Variants in ALYREF observed in about 807,000 individuals in gnomAD.
ALYREF encodes THO complex subunit 4.
A neutral mutation model predicts 25.2 loss-of-function variants in ALYREF; 1 was observed. The ratio of observed to expected loss-of-function variants is 0.04; its 90% confidence interval spans 0.01 to 0.19. ALYREF has a LOEUF of 0.19. Among genes scored for constraint, ALYREF ranks in the 10% least tolerant of loss-of-function variants. The probability of loss-of-function intolerance (pLI) is 1.00; values close to 1 mark genes in which losing one functional copy is unlikely to be tolerated. For synonymous variants in ALYREF, 193 were observed against 153.5 expected (o/e 1.26, Z -1.90); for missense variants, 328 against 375.6 (o/e 0.87, Z 1.05).
In ALYREF at chr17:81,891,326, G is replaced by A; in HGVS notation, c.255C>T (p.Ser85=). Residue 85 remains serine (S), a synonymous_variant, in exon 1 of 6, where the codon AGC becomes AGT. Transcript: ENST00000505490. ...GGGRNRPAPY[S]RPKQLPDKWQ... ...CGCGGCCGGCCTCCGCACTCACCCT[G>A]CTGTAGGGCGCCGGTCGGTTCCTGC... 8.6e-7 allele frequency: 1 copy of A among 1,162,604 alleles called. No individual in the cohort carries two copies. The highest frequency in any genetic ancestry group is 1.6e-5 in the African/African-American group (1 of 60,788). The allele number at this position is 1,162,604 out of a possible 1,614,324, so 72.0% of individuals were successfully genotyped here.
At chr17:81,890,425 G>C (rs2039497284) in intron 2 of ALYREF, among the ~76,000 whole-genome samples, 1 of 152,212 alleles carries the variant, frequency 6.6e-6, no homozygotes, top group Non-Finnish European at 1.5e-5. Context: ...CTTTGTCCCT[G>C]TTAGAAACTG....
intron 1 of ALYREF, 99 bp from the exon 2 acceptor site, chr17:81,890,919 G>A (rs930219389): frequency 1.3e-6 from 2 of 1,552,978 alleles, no homozygotes; most frequent in Non-Finnish European, 1.7e-6. Context: ...CCCGGCCTGA[G>A]AGGATCCGGC....
chr17:81,888,726 G>A lies in ALYREF; in HGVS notation c.539-143C>T, dbSNP rs1020163819. On this transcript the variant is annotated intron_variant, in intron 3 of 5. Transcript: ENST00000505490. The surrounding 1 kb of genome is among the most constrained non-coding windows in gnomAD (Gnocchi z 5.8). ...CCCCCGACAAGGGAAATGGCCTGGA[G>A]ATACTGGTGGGAGAACAAAATGGCA... The A allele has an allele frequency of 1.6e-5, 23 of 1,474,426 alleles. No homozygotes were observed. Among genetic ancestry groups the A allele is most frequent in the African/African-American group, 4.2e-5 (3 of 71,084 alleles). The allele number at this position is 1,474,426 out of a possible 1,614,324, so 91.3% of individuals were successfully genotyped here. A position where few individuals can be genotyped will look rare whatever the true frequency, so the allele number is the denominator to read the frequency against.
chr17:81,888,047 C>T lies in ALYREF; in HGVS notation c.*84G>A, dbSNP rs373834333. ...TAAAAGAAACAAATCCATCATTGGC[C>T]GCACAGCCCCAGCCACCGCCCCCCA... On this transcript the variant is annotated 3_prime_UTR_variant, in exon 6 of 6. Coordinates refer to ENST00000505490, the MANE Select transcript of ALYREF (RefSeq NM_005782.4). This position sits in a 1 kb window ranked among gnomAD's most constrained non-coding sequence, Gnocchi z 5.8. 5.9e-5 allele frequency: 90 copies of T among 1,535,382 alleles called. No individual in the cohort carries two copies. Among genetic ancestry groups the T allele is most frequent in the Non-Finnish European group, 7.0e-5 (79 of 1,122,126 alleles).
At position 81,888,713 on chromosome 17, in the gene ALYREF, G is replaced by A. The variant is rs1598290445; in HGVS notation, c.539-130C>T. 4.0e-6 allele frequency: 6 copies of A among 1,493,134 alleles called. No homozygotes were observed. The East Asian group carries it at 9.9e-5, about 25-fold the overall frequency. The allele number at this position is 1,493,134 out of a possible 1,614,324, so 92.5% of individuals were successfully genotyped here. A position where few individuals can be genotyped will look rare whatever the true frequency, so the allele number is the denominator to read the frequency against. ...TGCGTCTCAAATGCCCCCGACAAGG[G>A]AAATGGCCTGGAGATACTGGTGGGA... On this transcript the variant is annotated intron_variant, in intron 3 of 5. Coordinates refer to ENST00000505490, the MANE Select transcript of ALYREF (RefSeq NM_005782.4). The surrounding 1 kb of genome is among the most constrained non-coding windows in gnomAD (Gnocchi z 5.8).
chr17:81,890,949 C>A lies in ALYREF; in HGVS notation c.259-129G>T, dbSNP rs1344509720. On this transcript the variant is annotated intron_variant, in intron 1 of 5. Coordinates refer to ENST00000505490, the MANE Select transcript of ALYREF (RefSeq NM_005782.4). ...TCCGGCCGAAACGGGGCCGCCAGCG[C>A]TCCCTCCGGCGCTGCAGCTGCCCCA... 11 of 1,396,976 alleles carry A rather than the reference C, an allele frequency of 7.9e-6. No homozygotes were observed. In the East Asian group the frequency reaches 1.9e-4, roughly 24 times the overall value. The allele number at this position is 1,396,976 out of a possible 1,614,324, so 86.5% of individuals were successfully genotyped here.
rs375911946 is a variant in ALYREF, at chr17:81,888,234, G to T, written c.780+7C>A. The T allele has an allele frequency of 1.6e-4, 255 of 1,613,414 alleles. No homozygotes were observed. The African/African-American group carries it at 3.2e-3, about 20-fold the overall frequency. On this transcript the variant is annotated splice_region_variant and intron_variant, in intron 5 of 5. Coordinates refer to ENST00000505490, the MANE Select transcript of ALYREF (RefSeq NM_005782.4). This position sits in a 1 kb window ranked among gnomAD's most constrained non-coding sequence, Gnocchi z 5.8. The stretch of plus-strand genomic sequence containing the variant: ...CCAGGCCCCCAGCTGGCTCCCCCGG[G>T]ACTCACTCTCGCATTATAGGCGTCC...
chr17:81,891,367 C>T lies in ALYREF; in HGVS notation c.214G>A (p.Ala72Thr). The change falls in exon 1 of 6, where the codon GCG becomes ACG. Residue 72 changes from alanine to threonine, a missense_variant. Physicochemically the swap from Ala to Thr is moderately conservative, Grantham distance 58 (BLOSUM62 0). This residue lies in a region of ALYREF where 150 missense variants were observed against 135.3 expected (regional missense o/e 1.11). Coordinates refer to ENST00000505490, the MANE Select transcript of ALYREF (RefSeq NM_005782.4). The stretch of plus-strand genomic sequence containing the variant: ...CGGTTCCTGCCGCCTCCGCCGGCCG[C>T]GCCGCGGGCGATGGCCGGCCGGTTC... Reference protein sequence around the residue: ...IRNRPAIARGAAGGGGRNRPA... With the variant: ...IRNRPAIARGTAGGGGRNRPA... 1.7e-6 allele frequency: 2 copies of T among 1,149,390 alleles called. No homozygotes were observed. Among genetic ancestry groups the T allele is most frequent in the Non-Finnish European group, 1.1e-6 (1 of 933,598 alleles). The allele number at this position is 1,149,390 out of a possible 1,614,324, so 71.2% of individuals were successfully genotyped here. A position where few individuals can be genotyped will look rare whatever the true frequency, so the allele number is the denominator to read the frequency against.
Position 81,887,947 on chromosome 17 carries a change from TG to T in ALYREF, c.*183del. On this transcript the variant is annotated 3_prime_UTR_variant, in exon 6 of 6. Transcript: ENST00000505490. ...AAAATAACTCGGTACAAAACAGGTC[TG>T]TTTCAGAATTAAAAAAAAAAAAAAA... 1.4e-6 allele frequency: 1 copy of T among 702,526 alleles called. No homozygotes were observed. The allele number at this position is 702,526 out of a possible 1,614,324, so 43.5% of individuals were successfully genotyped here.
Position 81,891,566 on chromosome 17 carries a change from C to G in ALYREF, c.15G>C (p.Ala5=), listed in dbSNP as rs781464981. ...TGTCCATTTTGTCGGCCATGGCGGG[C>G]GCGGAATCGGGCATCGGCTCGAGCC... MPDS[A]PAMADKMDMS... is the part of the protein sequence containing the mutation. The change falls in exon 1 of 6, where the codon GCG becomes GCC. Residue 5 remains alanine (A), a synonymous_variant. Coordinates refer to ENST00000505490, the MANE Select transcript of ALYREF (RefSeq NM_005782.4). 2 of 1,438,650 alleles carry G rather than the reference C, an allele frequency of 1.4e-6. No homozygotes were observed. Among genetic ancestry groups the G allele is most frequent in the Non-Finnish European group, 9.1e-7 (1 of 1,095,188 alleles). 89.1% of individuals were successfully genotyped at this position (1,438,650 alleles called of 1,614,324 possible). A position where few individuals can be genotyped will look rare whatever the true frequency, so the allele number is the denominator to read the frequency against.
Position 81,891,490 on chromosome 17 carries a change from C to T in ALYREF, c.91G>A (p.Gly31Ser), listed in dbSNP as rs867148285. The T allele has an allele frequency of 1.6e-6, 2 of 1,246,316 alleles. No homozygotes were observed. The highest frequency in any genetic ancestry group is 2.0e-6 in the Non-Finnish European group (2 of 976,988). The allele number at this position is 1,246,316 out of a possible 1,614,324, so 77.2% of individuals were successfully genotyped here. A position where few individuals can be genotyped will look rare whatever the true frequency, so the allele number is the denominator to read the frequency against. ...KLNRSQRGGRGGGRGRGRAGS... is the reference protein window; with the variant it reads ...KLNRSQRGGRSGGRGRGRAGS... ...GCCCGGCCGCGGCCCCGGCCCCCGC[C>T]CCGGCCGCCTCGCTGGCTCCGGTTC... The change falls in exon 1 of 6, where the codon GGC becomes AGC. Residue 31 changes from glycine (G) to serine (S), a missense_variant. Physicochemically the swap from Gly to Ser is moderately conservative, Grantham distance 56. Around this residue, in one of 3 missense-constraint regions of ALYREF, gnomAD observed 150 missense variants for 135.3 expected, o/e 1.11. Transcript: ENST00000505490.
Position 81,888,522 on chromosome 17 carries a change from C to A in ALYREF, c.600G>T (p.Gln200His). The change falls in exon 4 of 6, where the codon CAG (glutamine) becomes CAT (histidine). Residue 200 changes from glutamine (Q) to histidine (H), a missense_variant and splice_region_variant. Coordinates refer to ENST00000505490, the MANE Select transcript of ALYREF (RefSeq NM_005782.4). The surrounding 1 kb of genome is among the most constrained non-coding windows in gnomAD (Gnocchi z 5.8). ...TCCCCAGAGGCCCCGGAAGTCACCTCTGTGCAGGCCTCCGCTGTGCGTCAA... is the reference window on the plus strand; with the variant it reads ...TCCCCAGAGGCCCCGGAAGTCACCTATGTGCAGGCCTCCGCTGTGCGTCAA... ...SQIDAQRRPA[Q>H]SVNRGGMTRN... The A allele has an allele frequency of 6.3e-7, 1 of 1,598,742 alleles. No homozygotes were observed.
chr17:81,891,361 C>A lies in ALYREF; in HGVS notation c.220G>T (p.Gly74Cys), dbSNP rs1316628690. ...GCCGGTCGGTTCCTGCCGCCTCCGC[C>A]GGCCGCGCCGCGGGCGATGGCCGGC... ...NRPAIARGAA[G>C]GGGRNRPAPY... The change falls in exon 1 of 6, where the codon GGC becomes TGC. Residue 74 changes from glycine (G) to cysteine (C), a missense_variant. Transcript: ENST00000505490. 4 of 1,151,546 alleles carry A rather than the reference C, an allele frequency of 3.5e-6. No homozygotes were observed. Among genetic ancestry groups the A allele is most frequent in the Non-Finnish European group, 4.3e-6 (4 of 935,130 alleles). The allele number at this position is 1,151,546 out of a possible 1,614,324, so 71.3% of individuals were successfully genotyped here. A position where few individuals can be genotyped will look rare whatever the true frequency, so the allele number is the denominator to read the frequency against.
rs2039459156 is a variant in ALYREF, at chr17:81,888,288, G to C, written c.733C>G (p.Leu245Val). Residue 245 changes from leucine to valine, a missense_variant, in exon 5 of 6, where the codon CTT (leucine) becomes GTT (valine). Physicochemically the swap from Leu to Val is conservative, Grantham distance 32. Transcript: ENST00000505490. The surrounding 1 kb of genome is among the most constrained non-coding windows in gnomAD (Gnocchi z 5.8). ...RGAGRNSKQQ[L>V]SAEELDAQLD... ...TGGGCATCCAGCTCCTCTGCCGAAA[G>C]CTGCTGCTTTGAATTCCTGCCGGCA... is the stretch of plus-strand genomic sequence containing the variant. The C allele has an allele frequency of 6.2e-7, 1 of 1,609,012 alleles. No individual in the cohort carries two copies. Among genetic ancestry groups the C allele is most frequent in the Non-Finnish European group, 8.5e-7 (1 of 1,178,814 alleles).
chr17:81,889,735 C>A (rs929012844), intron 2 of ALYREF: 1 of 178,666 alleles, frequency 5.6e-6, no homozygotes. Flanking sequence ...CCTGTAGATT[C>A]GGGAGCCCTG....
At position 81,888,619 on chromosome 17, in the gene ALYREF, A is replaced by G. The variant is rs752663556; in HGVS notation, c.539-36T>C. 13 of 1,567,106 alleles carry G rather than the reference A, an allele frequency of 8.3e-6. No homozygotes were observed. Among genetic ancestry groups the G allele is most frequent in the Non-Finnish European group, 1.1e-5 (13 of 1,154,552 alleles). ...GAATACGAGAAGGCACGTTCTATTGAGAGGCTCTGAAACCCACCCAGCTGG... is the reference window on the plus strand; with the variant it reads ...GAATACGAGAAGGCACGTTCTATTGGGAGGCTCTGAAACCCACCCAGCTGG... On this transcript the variant is annotated intron_variant, in intron 3 of 5. Transcript: ENST00000505490. This position sits in a 1 kb window ranked among gnomAD's most constrained non-coding sequence, Gnocchi z 5.8.
In ALYREF at chr17:81,888,704, C is replaced by A; in HGVS notation, c.539-121G>T. On this transcript the variant is annotated intron_variant, in intron 3 of 5. Coordinates refer to ENST00000505490, the MANE Select transcript of ALYREF (RefSeq NM_005782.4). This position sits in a 1 kb window ranked among gnomAD's most constrained non-coding sequence, Gnocchi z 5.8. ...GGGCCTCTGTGCGTCTCAAATGCCC[C>A]CGACAAGGGAAATGGCCTGGAGATA... The A allele has an allele frequency of 6.7e-7, 1 of 1,501,034 alleles. No individual in the cohort carries two copies. Among genetic ancestry groups the A allele is most frequent in the Non-Finnish European group, 8.9e-7 (1 of 1,118,522 alleles). 93.0% of individuals were successfully genotyped at this position (1,501,034 alleles called of 1,614,324 possible).
In ALYREF at chr17:81,888,746, A is replaced by T. The variant is rs1241823629; in HGVS notation, c.539-163T>A. 1 of 1,456,980 alleles carries T rather than the reference A, an allele frequency of 6.9e-7. No individual in the cohort carries two copies. Among genetic ancestry groups the T allele is most frequent in the Non-Finnish European group, 9.1e-7 (1 of 1,102,436 alleles). 90.3% of individuals were successfully genotyped at this position (1,456,980 alleles called of 1,614,324 possible). On this transcript the variant is annotated intron_variant, in intron 3 of 5. Transcript: ENST00000505490. The surrounding 1 kb of genome is among the most constrained non-coding windows in gnomAD (Gnocchi z 5.8). ...CTGGAGATACTGGTGGGAGAACAAA[A>T]TGGCAAGGAAGCAACCCCACCAACA...
At chr17:81,890,643 G>A (rs1283109679) in intron 2 of ALYREF, 46 bp downstream of exon 2, 2 of 1,598,880 alleles carry the variant, frequency 1.3e-6, no homozygotes, top group Non-Finnish European at 1.7e-6. Flanking sequence ...ATCACGATCC[G>A]TCCTGTGCAG....
Sources: gnomAD v4.1 joint callset for allele counts (sites outside exome capture counted in the v4.1 genomes callset) on GRCh38, gnomAD v4.1.1 for gene constraint, gnomAD v4.1.1 regional missense constraint, Gnocchi (gnomAD v3.1) non-coding constraint, MANE v1.5 for transcripts, NCBI Gene and HGNC (gene_info 2026-07-23, HGNC 2026-07-21) for gene names.